The following ENTREP2 variants were observed in gnomAD, a reference collection of about 807,000 sequenced individuals.
The protein encoded by ENTREP2 is protein ENTREP2.
At chr15:29,209,100 G>T in the ENTREP2 span, among the ~76,000 whole-genome samples, 2 of 152,160 alleles carry the variant, frequency 1.3e-5, no homozygotes, top group Non-Finnish European at 2.9e-5. Context: ...CTAAGTGTTG[G>T]TTCCATGGGT....
At chr15:29,302,974 C>T in the ENTREP2 span, among the ~76,000 whole-genome samples, 4 of 152,124 alleles carry the variant, frequency 2.6e-5, no homozygotes, top group South Asian at 2.1e-4. Context: ...CTGATCCCAG[C>T]GACCCCAGAC....
At chr15:29,666,421 C>T in the ENTREP2 span, among the ~76,000 whole-genome samples, 1 of 151,910 alleles carries the variant, frequency 6.6e-6, no homozygotes. Context: ...CCACTCACCC[C>T]CACCCTCGCC....
At chr15:29,138,654 T>C in the ENTREP2 span, among the ~76,000 whole-genome samples, 2 of 151,548 alleles carry the variant, frequency 1.3e-5, no homozygotes, top group African/African-American at 4.9e-5. Context: ...TATGTGTATG[T>C]GCATGTAGAT....
the ENTREP2 span, among the ~76,000 whole-genome samples, chr15:29,444,211 AAAG>A: frequency 8.2e-5 from 12 of 146,062 alleles, 1 homozygote; most frequent in African/African-American, 3.0e-4. Context: ...AGAAAGAAAG[AAAG>A]AAAGAAAGAA....
chr15:29,552,686 G>A, the ENTREP2 span, among the ~76,000 whole-genome samples: 5 of 152,022 alleles, frequency 3.3e-5, no homozygotes, highest in Non-Finnish European at 5.9e-5. Context: ...GCAGATGAGA[G>A]AAATTATTAT....
chr15:29,319,834 A>G, the ENTREP2 span, among the ~76,000 whole-genome samples: 49 of 152,248 alleles, frequency 3.2e-4, no homozygotes, highest in Middle Eastern at 6.8e-3. Flanking sequence ...AAATTGCTGG[A>G]GGCTGAGGGT....
At chr15:29,269,080 G>A in the ENTREP2 span, 1 of 1,613,996 alleles carries the variant, frequency 6.2e-7, no homozygotes, top group Non-Finnish European at 8.5e-7. Context: ...CTTCTTGGTG[G>A]GGTAGACCCC....
chr15:29,327,189 A>G, the ENTREP2 span, among the ~76,000 whole-genome samples: 2 of 152,236 alleles, frequency 1.3e-5, no homozygotes, highest in Admixed American at 1.3e-4. Context: ...AAGAGAAGTC[A>G]CAGACTGAAA....
the ENTREP2 span, among the ~76,000 whole-genome samples, chr15:29,315,352 T>C: frequency 2.0e-5 from 3 of 152,294 alleles, no homozygotes; most frequent in East Asian, 5.8e-4. Flanking sequence ...AGCCCCCCTC[T>C]TGGCCGATGA....
At chr15:29,304,535 C>T in the ENTREP2 span, among the ~76,000 whole-genome samples, 1 of 152,328 alleles carries the variant, frequency 6.6e-6, no homozygotes, top group South Asian at 2.1e-4. Flanking sequence ...GACACTGTTA[C>T]AGCCATCTTA....
chr15:29,311,804 C>G, the ENTREP2 span, among the ~76,000 whole-genome samples: 4 of 152,176 alleles, frequency 2.6e-5, no homozygotes, highest in Non-Finnish European at 5.9e-5. Flanking sequence ...AGGCCAAGAC[C>G]TTGCCCAGCT....
At chr15:29,207,057 C>T in the ENTREP2 span, among the ~76,000 whole-genome samples, 5 of 152,270 alleles carry the variant, frequency 3.3e-5, no homozygotes, top group Middle Eastern at 3.4e-3. Context: ...CAAAGCTACT[C>T]GCCAAGCAGC....
the ENTREP2 span, among the ~76,000 whole-genome samples, chr15:29,545,637 C>T: frequency 1.3e-5 from 2 of 152,170 alleles, no homozygotes; most frequent in Non-Finnish European, 2.9e-5. Context: ...TCTTTTGCTG[C>T]AGTGATTTAG....
chr15:29,570,653 TCG>T, the ENTREP2 span: 2 of 1,337,712 alleles, frequency 1.5e-6, no homozygotes, highest in Non-Finnish European at 1.9e-6. Flanking sequence ...GCCCGGGCAC[TCG>T]CGCAGGCGGG....
At chr15:29,262,639 T>G in the ENTREP2 span, among the ~76,000 whole-genome samples, 2 of 152,252 alleles carry the variant, frequency 1.3e-5, no homozygotes, top group Non-Finnish European at 2.9e-5. Context: ...CATCTCTTCA[T>G]CTGTGTCTTT....
At chr15:29,427,184 T>C in the ENTREP2 span, among the ~76,000 whole-genome samples, 17,507 of 152,208 alleles carry the variant, frequency 0.12, 1,165 homozygotes, top group East Asian at 0.31. Flanking sequence ...TTGCTGTTGT[T>C]ATTTTTCCAT....
the ENTREP2 span, among the ~76,000 whole-genome samples, chr15:29,656,667 G>A: frequency 1.4e-3 from 215 of 152,274 alleles, no homozygotes; most frequent in Admixed American, 3.8e-3. Context: ...CAGTACACAC[G>A]TATTAAAATG....
At chr15:29,301,789 GAATTAGTGTCCTTATAAA>G in the ENTREP2 span, among the ~76,000 whole-genome samples, 1 of 152,170 alleles carries the variant, frequency 6.6e-6, no homozygotes, top group Non-Finnish European at 1.5e-5. Flanking sequence ...TTAATGAATG[GAATTAGTGTCCTTATAAA>G]AGAGGCTCCA....
At chr15:29,185,143 T>C in the ENTREP2 span, among the ~76,000 whole-genome samples, 1 of 152,066 alleles carries the variant, frequency 6.6e-6, no homozygotes, top group Non-Finnish European at 1.5e-5. Flanking sequence ...ATATAATACC[T>C]TCCAGATATT....
Sources: allele counts gnomAD v4.1 joint callset (sites outside exome capture counted in the v4.1 genomes callset), GRCh38; gene constraint gnomAD v4.1.1; transcripts MANE v1.5; gene names NCBI Gene and HGNC (gene_info 2026-07-23, HGNC 2026-07-21).